RBM39: variants seen among roughly 807,000 people sequenced by gnomAD.
RBM39 encodes the protein RNA binding motif protein 39, also known as RNA-binding protein 39.
In RBM39, 12 loss-of-function variants were observed where a neutral mutation model predicts 79.6. That is an observed-to-expected ratio of 0.15 (90% CI 0.10 to 0.24). RBM39 has a LOEUF of 0.24. Ranked by LOEUF, RBM39 falls within the 10% of genes least tolerant of loss-of-function variation. RBM39 has a pLI of 1.00. For synonymous variants in RBM39, 185 were observed against 208.4 expected, an observed-to-expected ratio of 0.89 and a Z score of 0.97; for missense variants, 243 against 653.4, an observed-to-expected ratio of 0.37 and a Z score of 6.85.
At chr20:35,731,468 C>T (rs2146684579) in intron 4 of RBM39, 1 of 145,208 alleles carries the variant, frequency 6.9e-6, no homozygotes, top group South Asian at 2.1e-4. Context: ...ACTGGCCTGA[C>T]ATTTCAGCTG....
intron 12 of RBM39, among the ~76,000 whole-genome samples, chr20:35,709,808 T>A (rs760363080): frequency 9.2e-5 from 14 of 152,328 alleles, no homozygotes; most frequent in Admixed American, 5.2e-4. Flanking sequence ...TATTATTTTT[T>A]TAAGGACTTT....
chr20:35,723,814 G>C (rs2038304462), intron 8 of RBM39, among the ~76,000 whole-genome samples: 1 of 152,230 alleles, frequency 6.6e-6, no homozygotes, highest in Non-Finnish European at 1.5e-5. Flanking sequence ...GCCCAGGCCA[G>C]AGGATCACTT....
Position 35,704,222 on chromosome 20 carries a change from C to G in RBM39, c.*259G>C, listed in dbSNP as rs1190682339. On this transcript the variant is annotated 3_prime_UTR_variant, in exon 17 of 17. Coordinates refer to ENST00000253363, the MANE Select transcript of RBM39 (RefSeq NM_184234.3). ...GCACATTTGTTCTCCTAGAGCTATT[C>G]CTATAGTTCATTAATTTTCTACATG... 7.0e-6 allele frequency: 2 copies of G among 287,206 alleles called. No individual in the cohort carries two copies. The highest frequency in any genetic ancestry group is 4.4e-5 in the African/African-American group (2 of 45,428). The allele number at this position is 287,206 out of a possible 1,614,324, so 17.8% of individuals were successfully genotyped here.
intron 10 of RBM39, among the ~76,000 whole-genome samples, chr20:35,715,724 C>CCT (rs1286482182): frequency 2.0e-5 from 3 of 152,066 alleles, no homozygotes; most frequent in African/African-American, 7.2e-5. Context: ...ATCCTTGTCC[C>CCT]CTCTAAACCT....
intron 15 of RBM39, 185 bp from the exon 16 acceptor site, chr20:35,704,931 G>A (rs1272764972): frequency 3.3e-6 from 2 of 607,298 alleles, no homozygotes; most frequent in East Asian, 5.6e-5. Flanking sequence ...TCTCAAATTT[G>A]CCGTTTTATC....
chr20:35,720,384 A>AAC (rs1389046994), intron 9 of RBM39, among the ~76,000 whole-genome samples: 1 of 152,150 alleles, frequency 6.6e-6, no homozygotes, highest in Non-Finnish European at 1.5e-5. Flanking sequence ...TTTGCCATGT[A>AAC]ACAGCTCATG....
In RBM39 at chr20:35,721,450, A is replaced by C. The variant is rs1046495854; in HGVS notation, c.825+290T>G. Among the ~76,000 whole-genome samples, 4 of 152,322 alleles carry C rather than the reference A, an allele frequency of 2.6e-5. No individual in the cohort carries two copies. The East Asian group carries it at 7.7e-4, about 29-fold the overall frequency. ...GTCATCCTCCTGCCTCAGCACCCCA[A>C]GTAGCTGGGATTACAGGCATGAGCC... On this transcript the variant is annotated intron_variant, in intron 9 of 16. Transcript: ENST00000253363.
chr20:35,720,327 C>A (rs1269674513), intron 9 of RBM39, among the ~76,000 whole-genome samples: 1 of 152,164 alleles, frequency 6.6e-6, no homozygotes, highest in Non-Finnish European at 1.5e-5. Context: ...CAATGCCAGA[C>A]ACAAGGCCTC....
At chr20:35,712,018 A>G (rs1038470665) in intron 12 of RBM39, among the ~76,000 whole-genome samples, 3 of 152,144 alleles carry the variant, frequency 2.0e-5, no homozygotes, top group Non-Finnish European at 4.4e-5. Flanking sequence ...CCTTGAACCC[A>G]GGAGGAAGAG....
At chr20:35,712,435 CAAAAAAAAAAAAA>C (rs765974114) in intron 12 of RBM39, among the ~76,000 whole-genome samples, 10 of 32,814 alleles carry the variant, frequency 3.0e-4, no homozygotes, top group African/African-American at 9.6e-4. Context: ...TACTGTTATC[CAAAAAAAAAAAAA>C]AAAAAAAAAA....
At chr20:35,717,906 T>G (rs1486793590) in intron 9 of RBM39, among the ~76,000 whole-genome samples, 1 of 152,040 alleles carries the variant, frequency 6.6e-6, no homozygotes, top group Non-Finnish European at 1.5e-5. Flanking sequence ...TGGCGCAGGC[T>G]GGAGTGCAGT....
intron 3 of RBM39, chr20:35,736,572 G>C (rs923699428): frequency 4.2e-6 from 2 of 470,866 alleles, no homozygotes; most frequent in South Asian, 1.5e-5. Context: ...AGGGATCTTA[G>C]GAGGAAAAGA....
intron 11 of RBM39, among the ~76,000 whole-genome samples, 166 bp downstream of exon 11, chr20:35,714,019 A>C (rs1029038269): frequency 6.6e-6 from 1 of 152,178 alleles, no homozygotes; most frequent in Non-Finnish European, 1.5e-5. Flanking sequence ...ATTTCCATAC[A>C]TTAATACAAG....
rs186170291 is a variant in RBM39 at position 35,740,880 on chromosome 20, C to G, written c.-6G>C. 3.7e-5 allele frequency: 59 copies of G among 1,609,616 alleles called. 1 individual carries two copies. The East Asian group carries it at 1.0e-3, about 27-fold the overall frequency. On this transcript the variant is annotated 5_prime_UTR_variant, in exon 2 of 17. Coordinates refer to ENST00000253363, the MANE Select transcript of RBM39 (RefSeq NM_184234.3). ...ATATCAATATCGTCTGCCATTTTCT[C>G]TAAACGCCTAGGAAGAGAACAAGAC...
chr20:35,717,291 CAAAAACAAAAA>C (rs2146561200), intron 9 of RBM39, among the ~76,000 whole-genome samples: 1 of 136,700 alleles, frequency 7.3e-6, no homozygotes, highest in East Asian at 2.1e-4. Context: ...AAAAACAAAA[CAAAAACAAAAA>C]AAAAAAACAA....
At chr20:35,733,020 C>T (rs2039533799) in intron 3 of RBM39, among the ~76,000 whole-genome samples, 1 of 152,122 alleles carries the variant, frequency 6.6e-6, no homozygotes, top group Non-Finnish European at 1.5e-5. Context: ...AGAACTAATG[C>T]AGGCCAGTGC....
chr20:35,717,092 C>A, intron 9 of RBM39, among the ~76,000 whole-genome samples: 1 of 151,978 alleles, frequency 6.6e-6, no homozygotes, highest in Admixed American at 6.6e-5. Flanking sequence ...CCAGCCTGGC[C>A]AACATGACGA....
intron 2 of RBM39, 128 bp downstream of exon 2, chr20:35,740,696 C>T: frequency 1.5e-6 from 2 of 1,290,758 alleles, no homozygotes; most frequent in Non-Finnish European, 2.2e-6. Flanking sequence ...TTGTAAGTTA[C>T]ACGTAATGCA....
At position 35,702,418 on chromosome 20, in the gene RBM39, A is replaced by C. The variant is rs1406681060; in HGVS notation, c.*2063T>G. The C allele has an allele frequency of 6.6e-6, 1 of 152,212 alleles. No individual in the cohort carries two copies. Among genetic ancestry groups the C allele is most frequent in the Non-Finnish European group, 1.5e-5 (1 of 68,038 alleles). 9.4% of individuals were successfully genotyped at this position (152,212 alleles called of 1,614,324 possible). On this transcript the variant is annotated 3_prime_UTR_variant, in exon 17 of 17. Coordinates refer to ENST00000253363, the MANE Select transcript of RBM39 (RefSeq NM_184234.3). Reference sequence around the variant, plus strand: ...CACATTTCCTCTGAACATTATTTACACACCAAATTTCACTCTGGTAGCAAC... The same window carrying C: ...CACATTTCCTCTGAACATTATTTACCCACCAAATTTCACTCTGGTAGCAAC...
Sources: gnomAD v4.1 joint callset for allele counts (sites outside exome capture counted in the v4.1 genomes callset) on GRCh38, gnomAD v4.1.1 for gene constraint, MANE v1.5 for transcripts, NCBI Gene and HGNC (gene_info 2026-07-23, HGNC 2026-07-21) for gene names.